Variants in EDEM3 observed in about 807,000 individuals in gnomAD.
The protein encoded by EDEM3 is ER degradation-enhancing alpha-mannosidase-like protein 3.
EDEM3 carries 60 observed loss-of-function variants against 110.2 expected under a neutral mutation model. The ratio of observed to expected loss-of-function variants is 0.54; its 90% CI spans 0.44 to 0.67. The LOEUF is 0.67. Ranked by LOEUF, EDEM3 falls within the 30% of genes least tolerant of loss-of-function variation. The pLI is 0.00. For missense variants in EDEM3, 996 were observed against 1,121.0 expected, an observed-to-expected ratio of 0.89 and a Z score of 1.59; for synonymous variants, 352 against 382.9, an observed-to-expected ratio of 0.92 and a Z score of 0.94.
At chr1:184,710,165 T>C (rs1047635327) in intron 16 of EDEM3, among the ~76,000 whole-genome samples, 1 of 152,182 alleles carries the variant, frequency 6.6e-6, no homozygotes, top group Non-Finnish European at 1.5e-5. Context: ...TTATATTAAC[T>C]TCAGCAAATT....
intron 6 of EDEM3, among the ~76,000 whole-genome samples, chr1:184,727,001 A>G (rs1218477267): frequency 1.3e-5 from 2 of 152,192 alleles, no homozygotes; most frequent in Non-Finnish European, 2.9e-5. Context: ...AGTGGAAGAC[A>G]ACCAAATAGG....
At chr1:184,701,887 AT>A (rs1649645172) in intron 19 of EDEM3, among the ~76,000 whole-genome samples, 1 of 152,132 alleles carries the variant, frequency 6.6e-6, no homozygotes, top group Non-Finnish European at 1.5e-5. Context: ...TGCTAGCATG[AT>A]TATCACCGAA....
chr1:184,706,544 T>C, intron 18 of EDEM3, 99 bp downstream of exon 18: 1 of 1,189,194 alleles, frequency 8.4e-7, no homozygotes, highest in Non-Finnish European at 1.1e-6. Context: ...TAAAAAAAAC[T>C]ATGACAAACT....
chr1:184,725,762 G>A (rs1651157686), intron 7 of EDEM3, among the ~76,000 whole-genome samples: 1 of 151,728 alleles, frequency 6.6e-6, no homozygotes, highest in Non-Finnish European at 1.5e-5. Context: ...ACAACTATGT[G>A]GGGATATTAA....
rs1649078061 is a variant in EDEM3 at position 184,691,846 on chromosome 1, AT to A, written c.*2216del. On this transcript the variant is annotated 3_prime_UTR_variant, in exon 20 of 20. Transcript: ENST00000318130. ...ATTTTTTCCTTTTCTTTTTTTAAGGATTTACTTTTCTTAACAAGTGAACAAT... is the reference window on the plus strand; with the variant it reads ...ATTTTTTCCTTTTCTTTTTTTAAGGATTACTTTTCTTAACAAGTGAACAAT... 1 of 151,840 alleles carries A rather than the reference AT, an allele frequency of 6.6e-6. No homozygotes were observed. The highest frequency in any genetic ancestry group is 1.5e-5 in the Non-Finnish European group (1 of 67,896). The allele number at this position is 151,840 out of a possible 1,614,324, so 9.4% of individuals were successfully genotyped here.
intron 6 of EDEM3, among the ~76,000 whole-genome samples, chr1:184,732,272 A>C (rs1422563789): frequency 1.3e-5 from 2 of 150,650 alleles, no homozygotes; most frequent in Non-Finnish European, 3.0e-5. Flanking sequence ...AATTGATCTC[A>C]TGGAGATAGA....
chr1:184,692,866 C>G lies in EDEM3; in HGVS notation c.*1197G>C, dbSNP rs1210244314. On this transcript the variant is annotated 3_prime_UTR_variant, in exon 20 of 20. Transcript: ENST00000318130. ...GTTGTATTGTACTTTTTTTTTTAAACACAGGTCACCATACACTAATTTTCA... is the reference window on the plus strand; with the variant it reads ...GTTGTATTGTACTTTTTTTTTTAAAGACAGGTCACCATACACTAATTTTCA... 10 of 145,714 alleles carry G rather than the reference C, an allele frequency of 6.9e-5. 1 individual carries two copies. The East Asian group carries it at 2.0e-3, about 30-fold the overall frequency. The allele number at this position is 145,714 out of a possible 1,614,324, so 9.0% of individuals were successfully genotyped here.
intron 6 of EDEM3, among the ~76,000 whole-genome samples, chr1:184,727,527 T>A (rs558583262): frequency 1.3e-5 from 2 of 152,300 alleles, no homozygotes; most frequent in African/African-American, 4.8e-5. Flanking sequence ...TTTCAACTTA[T>A]CTGCAGATAT....
intron 9 of EDEM3, among the ~76,000 whole-genome samples, chr1:184,719,876 C>T (rs922854166): frequency 1.3e-5 from 2 of 152,174 alleles, no homozygotes; most frequent in East Asian, 1.9e-4. Flanking sequence ...TATGACTTTG[C>T]GGCCCACTGA....
chr1:184,700,373 T>C (rs936819258), intron 19 of EDEM3, among the ~76,000 whole-genome samples: 1 of 151,998 alleles, frequency 6.6e-6, no homozygotes, highest in Non-Finnish European at 1.5e-5. Context: ...AAAGGCAATC[T>C]GGAGAACATT....
chr1:184,740,010 T>C (rs1652048899), intron 2 of EDEM3, among the ~76,000 whole-genome samples: 1 of 152,084 alleles, frequency 6.6e-6, no homozygotes, highest in Admixed American at 6.5e-5. Context: ...GCTCTTTAAG[T>C]TGGGTGGTTG....
intron 2 of EDEM3, among the ~76,000 whole-genome samples, chr1:184,739,329 A>C (rs1034756230): frequency 6.7e-6 from 1 of 149,218 alleles, no homozygotes; most frequent in South Asian, 2.1e-4. Flanking sequence ...AATAATTAAG[A>C]TTAAAAGTAA....
chr1:184,746,196 A>C (rs1192188454), intron 2 of EDEM3, among the ~76,000 whole-genome samples: 8 of 152,244 alleles, frequency 5.3e-5, no homozygotes, highest in Non-Finnish European at 8.8e-5. Flanking sequence ...CCCTAGATTT[A>C]AGTCCAGAGA....
chr1:184,754,411 G>T, intron 1 of EDEM3, 78 bp downstream of exon 1: 1 of 1,591,762 alleles, frequency 6.3e-7, no homozygotes. Flanking sequence ...GCCACTACGC[G>T]ACCGGGTCGC....
At chr1:184,718,369 T>C (rs1483400780) in intron 11 of EDEM3, among the ~76,000 whole-genome samples, 1 of 152,120 alleles carries the variant, frequency 6.6e-6, no homozygotes, top group East Asian at 1.9e-4. Flanking sequence ...TCATTTGTGA[T>C]AGATGTATTA....
rs753927962 is a variant in EDEM3 at position 184,719,585 on chromosome 1, T to C, written c.952-17A>G. On this transcript the variant is annotated splice_polypyrimidine_tract_variant and intron_variant, in intron 9 of 19. Transcript: ENST00000318130. ...ATCATAGTGCTAAAAGATCACAACA[T>C]GTGTTCATGAAAGTTAGATGAAAAA... is the stretch of plus-strand genomic sequence containing the variant. 6.8e-6 allele frequency: 11 copies of C among 1,612,052 alleles called. No individual in the cohort carries two copies. Among genetic ancestry groups the C allele is most frequent in the South Asian group, 6.6e-5 (6 of 90,496 alleles).
intron 2 of EDEM3, among the ~76,000 whole-genome samples, chr1:184,743,826 C>T (rs1204159310): frequency 1.3e-5 from 2 of 151,906 alleles, no homozygotes; most frequent in African/African-American, 2.4e-5. Flanking sequence ...CAAAATAATT[C>T]AGTAGGGAAA....
chr1:184,733,953 G>GA (rs773816645), intron 5 of EDEM3, among the ~76,000 whole-genome samples: 3 of 152,124 alleles, frequency 2.0e-5, no homozygotes, highest in East Asian at 1.9e-4. Flanking sequence ...GTAAGCTGGT[G>GA]AAAAAACCTG....
At chr1:184,732,002 C>G (rs1401411331) in intron 6 of EDEM3, among the ~76,000 whole-genome samples, 1 of 152,028 alleles carries the variant, frequency 6.6e-6, no homozygotes, top group African/African-American at 2.4e-5. Flanking sequence ...CTGTGAAACC[C>G]CATCTCTACT....
Sources: gnomAD v4.1 joint callset for allele counts (sites outside exome capture counted in the v4.1 genomes callset) on GRCh38, gnomAD v4.1.1 for gene constraint, MANE v1.5 for transcripts, NCBI Gene and HGNC (gene_info 2026-07-23, HGNC 2026-07-21) for gene names.